The following PCDH15 variants were observed in gnomAD, a reference collection of about 807,000 sequenced individuals.
PCDH15 encodes the protein protocadherin-15.
In PCDH15, 129 loss-of-function variants were observed where a neutral mutation model predicts 178.5. The ratio of observed to expected loss-of-function variants is 0.72; its 90% CI spans 0.63 to 0.84. PCDH15 has a LOEUF of 0.84. Ranked by LOEUF, PCDH15 falls within the 40% of genes least tolerant of loss-of-function variation. The pLI is 0.00. For synonymous variants in PCDH15, 800 were observed against 732.0 expected, an observed-to-expected ratio of 1.09 and a Z score of -1.50; for missense variants, 2,230 against 2,099.9, an observed-to-expected ratio of 1.06 and a Z score of -1.21.
chr10:54,357,764 T>A (rs1473401003), intron 5 of PCDH15, among the ~76,000 whole-genome samples: 3 of 152,102 alleles, frequency 2.0e-5, no homozygotes, highest in Non-Finnish European at 2.9e-5. Context: ...CTTCAAAGTA[T>A]ACTACAAGGC....
chr10:55,519,186 A>G (rs1279126968), intron 2 of PCDH15, among the ~76,000 whole-genome samples: 1 of 150,098 alleles, frequency 6.7e-6, no homozygotes, highest in East Asian at 2.0e-4. Context: ...AGGTTTATTT[A>G]AAATAAGCCT....
At chr10:54,404,325 A>G (rs1381706212) in intron 3 of PCDH15, among the ~76,000 whole-genome samples, 2 of 152,098 alleles carry the variant, frequency 1.3e-5, no homozygotes, top group Non-Finnish European at 2.9e-5. Context: ...AAACATGCAC[A>G]TAGACCAATG....
intron 2 of PCDH15, among the ~76,000 whole-genome samples, chr10:54,614,659 G>A (rs1050689643): frequency 5.9e-5 from 9 of 151,738 alleles, no homozygotes; most frequent in Non-Finnish European, 1.2e-4. Flanking sequence ...TAAGCTTCTG[G>A]TCAGGGTGCT....
intron 2 of PCDH15, among the ~76,000 whole-genome samples, chr10:55,080,632 T>G (rs1842016406): frequency 6.6e-6 from 1 of 152,108 alleles, no homozygotes; most frequent in Non-Finnish European, 1.5e-5. Context: ...TCTCGTCCTT[T>G]GCACACACAG....
At chr10:54,516,855 A>G (rs1420738446) in intron 3 of PCDH15, among the ~76,000 whole-genome samples, 1 of 152,206 alleles carries the variant, frequency 6.6e-6, no homozygotes, top group Non-Finnish European at 1.5e-5. Flanking sequence ...GAGTAACAGC[A>G]GATCTCTCGG....
intron 13 of PCDH15, among the ~76,000 whole-genome samples, chr10:54,169,208 C>T (rs1244374052): frequency 3.4e-5 from 4 of 118,478 alleles, no homozygotes; most frequent in South Asian, 2.7e-4. Context: ...CAGATCTTCT[C>T]GGCTTAGCGG....
chr10:54,019,712 G>A (rs1390210299), intron 20 of PCDH15, among the ~76,000 whole-genome samples: 4 of 152,044 alleles, frequency 2.6e-5, no homozygotes, highest in East Asian at 1.9e-4. Flanking sequence ...AGCTTAAAAA[G>A]GGTTGAGCCA....
intron 23 of PCDH15, among the ~76,000 whole-genome samples, chr10:53,946,377 T>G (rs2086575299): frequency 6.6e-6 from 1 of 152,172 alleles, no homozygotes; most frequent in African/African-American, 2.4e-5. Flanking sequence ...GTTTCTGTTT[T>G]TCGTCTACTC....
At chr10:53,893,636 G>C (rs2384328) in intron 26 of PCDH15, among the ~76,000 whole-genome samples, 2 of 151,976 alleles carry the variant, frequency 1.3e-5, no homozygotes, top group Admixed American at 6.6e-5. Context: ...TGAAATAATG[G>C]CATTTACAGC....
chr10:54,457,049 A>G lies in PCDH15; in HGVS notation c.157+70763T>C, dbSNP rs1163793429. On this transcript the variant is annotated intron_variant, in intron 3 of 37. Transcript: ENST00000644397. ...TTCATAGTGGTGTGAGAATGAACTA[A>G]TACAATCTTTTTCAGCTTTTGTTTC... Among the ~76,000 whole-genome samples, 3 of 152,156 alleles carry G rather than the reference A, an allele frequency of 2.0e-5. No homozygotes were observed. The East Asian group carries it at 5.8e-4, about 29-fold the overall frequency.
At chr10:54,010,213 T>C (rs1331624291) in intron 20 of PCDH15, among the ~76,000 whole-genome samples, 1 of 151,726 alleles carries the variant, frequency 6.6e-6, no homozygotes, top group East Asian at 1.9e-4. Context: ...TAGGGACTAA[T>C]GCCGACCCCC....
intron 1 of PCDH15, among the ~76,000 whole-genome samples, chr10:54,692,854 TACTC>T (rs1196220288): frequency 6.6e-6 from 1 of 152,044 alleles, no homozygotes; most frequent in Non-Finnish European, 1.5e-5. Flanking sequence ...ACAAAATAAA[TACTC>T]AAGTAAATAA....
intron 1 of PCDH15, among the ~76,000 whole-genome samples, chr10:55,188,586 G>A (rs1839860633): frequency 6.6e-6 from 1 of 151,668 alleles, no homozygotes; most frequent in Admixed American, 6.6e-5. Context: ...TAACCTATAA[G>A]TGTTTTTCCA....
rs184547568 is a variant in PCDH15, at chr10:54,797,805, G to C, written c.-29+3120C>G. ...TAGCACACATGTGTATGTGTGGGCA[G>C]GGGGGGAGCGGGGTGTGTCCATCTT... On this transcript the variant is annotated intron_variant, in intron 1 of 37. Transcript: ENST00000644397. 1.5e-3 allele frequency among the ~76,000 whole-genome samples: 234 copies of C among 151,816 alleles called. 3 individuals carry two copies. The highest frequency in any genetic ancestry group is 5.2e-3 in the African/African-American group (214 of 41,376).
At chr10:55,187,473 C>T (rs1839829776) in intron 1 of PCDH15, among the ~76,000 whole-genome samples, 2 of 151,752 alleles carry the variant, frequency 1.3e-5, no homozygotes, top group Admixed American at 1.3e-4. Flanking sequence ...TCAGAAGGAC[C>T]ATCGTGTGTG....
chr10:54,939,424 G>T (rs1837999086), intron 2 of PCDH15, among the ~76,000 whole-genome samples: 1 of 147,304 alleles, frequency 6.8e-6, no homozygotes, highest in South Asian at 2.1e-4. Context: ...GAACCCGGGA[G>T]GCGGAGCTTG....
intron 3 of PCDH15, among the ~76,000 whole-genome samples, chr10:54,874,176 T>A (rs1195505183): frequency 1.0e-5 from 1 of 97,374 alleles, no homozygotes; most frequent in Non-Finnish European, 2.0e-5. Context: ...CCTGTGTCCA[T>A]GTGTTCTCAT....
At chr10:54,629,141 C>T (rs982767865) in intron 2 of PCDH15, among the ~76,000 whole-genome samples, 2 of 147,096 alleles carry the variant, frequency 1.4e-5, no homozygotes, top group African/African-American at 2.5e-5. Flanking sequence ...TGCTTCAACA[C>T]AAAAAAAAAA....
intron 25 of PCDH15, among the ~76,000 whole-genome samples, chr10:53,920,380 G>A (rs913277841): frequency 4.0e-5 from 6 of 151,794 alleles, no homozygotes; most frequent in African/African-American, 7.3e-5. Flanking sequence ...ATGTAAAAGT[G>A]CATATAAGTG....
Sources: allele counts gnomAD v4.1 joint callset (sites outside exome capture counted in the v4.1 genomes callset), GRCh38; gene constraint gnomAD v4.1.1; transcripts MANE v1.5; gene names NCBI Gene and HGNC (gene_info 2026-07-23, HGNC 2026-07-21).